SBF2: variants seen among roughly 807,000 people sequenced by gnomAD.
The protein encoded by SBF2 is myotubularin-related protein 13.
A neutral mutation model predicts 225.2 loss-of-function variants in SBF2; 112 were observed. The observed-to-expected ratio is 0.50, with a 90% CI of 0.43 to 0.58. SBF2 has a LOEUF of 0.58. SBF2 is among the 20% of genes least tolerant of loss of function. The pLI is 0.00. For synonymous variants in SBF2, 763 were observed against 773.3 expected, an observed-to-expected ratio of 0.99 and a Z score of 0.22; for missense variants, 1,996 against 2,206.2, an observed-to-expected ratio of 0.90 and a Z score of 1.91.
intron 16 of SBF2, among the ~76,000 whole-genome samples, chr11:9,904,802 A>C (rs1029791803): frequency 8.5e-5 from 13 of 152,200 alleles, no homozygotes; most frequent in Non-Finnish European, 1.9e-4. Context: ...AGGTGAGAGG[A>C]TTGCTTGAGC....
chr11:10,045,018 AAG>A (rs1480134971), intron 2 of SBF2, among the ~76,000 whole-genome samples: 1 of 152,160 alleles, frequency 6.6e-6, no homozygotes, highest in Non-Finnish European at 1.5e-5. Flanking sequence ...TGCACAGACA[AAG>A]AGAGGTCTCA....
At chr11:9,815,422 C>T (rs1339947279) in intron 29 of SBF2, among the ~76,000 whole-genome samples, 1 of 151,038 alleles carries the variant, frequency 6.6e-6, no homozygotes, top group African/African-American at 2.4e-5. Context: ...TACTGCATTC[C>T]AGCCTAGCGA....
intron 1 of SBF2, among the ~76,000 whole-genome samples, chr11:10,206,653 T>C (rs1184698487): frequency 2.6e-5 from 4 of 152,162 alleles, no homozygotes; most frequent in South Asian, 2.1e-4. Context: ...AAATACGTTA[T>C]AAATCAAACA....
chr11:10,273,435 T>C (rs975156115), intron 1 of SBF2, among the ~76,000 whole-genome samples: 2 of 152,234 alleles, frequency 1.3e-5, no homozygotes, highest in Non-Finnish European at 2.9e-5. Context: ...AAGACTACAA[T>C]GAATCAATTA....
chr11:9,793,027 C>A (rs1026916777), intron 33 of SBF2, among the ~76,000 whole-genome samples: 18 of 151,296 alleles, frequency 1.2e-4, no homozygotes, highest in African/African-American at 4.1e-4. Context: ...AGCCGCCCAC[C>A]TCAGCCTCTC....
At chr11:10,062,531 A>G (rs901520096) in intron 2 of SBF2, among the ~76,000 whole-genome samples, 2 of 152,252 alleles carry the variant, frequency 1.3e-5, no homozygotes, top group Non-Finnish European at 2.9e-5. Context: ...TGGGCAAAGG[A>G]CATGAACAGA....
intron 16 of SBF2, among the ~76,000 whole-genome samples, chr11:9,918,166 T>C (rs1357587028): frequency 7.6e-6 from 1 of 131,844 alleles, no homozygotes; most frequent in African/African-American, 3.2e-5. Flanking sequence ...CTTCGCCACA[T>C]TTGTCATCGG....
rs532642798 is a variant in SBF2, at chr11:10,246,131, T to C, written c.55+47884A>G. On this transcript the variant is annotated intron_variant, in intron 1 of 39. Transcript: ENST00000256190. Reference sequence around the variant, plus strand: ...GACACTAGATCTTACGTTGTGTTCTTATCACACACAAAAAAAGAAAGAGTG... The same window carrying C: ...GACACTAGATCTTACGTTGTGTTCTCATCACACACAAAAAAAGAAAGAGTG... Among the ~76,000 whole-genome samples, 12 of 152,298 alleles carry C rather than the reference T, an allele frequency of 7.9e-5. No homozygotes were observed. In the East Asian group the frequency reaches 2.1e-3, roughly 27 times the overall value.
intron 2 of SBF2, among the ~76,000 whole-genome samples, chr11:10,158,313 A>T: frequency 6.6e-6 from 1 of 152,094 alleles, no homozygotes; most frequent in East Asian, 1.9e-4. Context: ...TCAGCGGAAG[A>T]AAAGAAAATA....
chr11:10,293,105 G>T (rs892548402), intron 1 of SBF2, among the ~76,000 whole-genome samples: 22 of 152,178 alleles, frequency 1.4e-4, no homozygotes, highest in Non-Finnish European at 1.5e-5. Context: ...GCAAATGTGG[G>T]ACTAGAATTG....
chr11:10,017,851 C>A lies in SBF2; in HGVS notation c.619+10601G>T, dbSNP rs1039423710. On this transcript the variant is annotated intron_variant, in intron 6 of 39. Transcript: ENST00000256190. ...TCAAATACATAAAAGGCCAATTCAA[C>A]CAAAACTGTGTAAAAAGGTGCAGCA... Among the ~76,000 whole-genome samples the A allele has an allele frequency of 2.0e-5, 3 of 152,116 alleles. No homozygotes were observed. In the East Asian group the frequency reaches 5.8e-4, roughly 29 times the overall value.
At position 9,872,286 on chromosome 11, in the gene SBF2, T is replaced by A. The variant is rs147462149; in HGVS notation, c.1930-13890A>T. 7.8e-4 allele frequency among the ~76,000 whole-genome samples: 119 copies of A among 152,104 alleles called. No individual in the cohort carries two copies. In the East Asian group the frequency reaches 0.02, roughly 26 times the overall value. On this transcript the variant is annotated intron_variant, in intron 17 of 39. Transcript: ENST00000256190. ...TGAAAGATGAGAACACATGGACACA[T>A]AGGGAAGAACAACACACACTGGGGC...
chr11:10,297,431 T>C (rs1964558576), upstream of SBF2, among the ~76,000 whole-genome samples: 1 of 152,192 alleles, frequency 6.6e-6, no homozygotes. Context: ...TTTTAGTTTG[T>C]TTCTATGCTT....
intron 2 of SBF2, among the ~76,000 whole-genome samples, chr11:10,171,100 T>C (rs1049936930): frequency 5.3e-5 from 8 of 152,296 alleles, no homozygotes; most frequent in Non-Finnish European, 1.0e-4. Flanking sequence ...ATAATTTGAC[T>C]CCCTCCTTTC....
chr11:9,846,823 C>G (rs1856582945), intron 23 of SBF2, 133 bp downstream of exon 23: 1 of 995,404 alleles, frequency 1.0e-6, no homozygotes, highest in Non-Finnish European at 1.6e-6. Context: ...TGATGACTAC[C>G]CTCTCAGACC....
chr11:9,838,186 C>A (rs1855858263), intron 26 of SBF2: 3 of 151,822 alleles, frequency 2.0e-5, no homozygotes, highest in African/African-American at 7.3e-5. Flanking sequence ...TGTTCTATGT[C>A]CCCTTTTTTT....
In SBF2 at chr11:9,902,902, AAT is replaced by A. The variant is rs552253213; in HGVS notation, c.1861-6893_1861-6892del. On this transcript the variant is annotated intron_variant, in intron 16 of 39. Coordinates refer to ENST00000256190, the MANE Select transcript of SBF2 (RefSeq NM_030962.4). ...TCTGTATTATCATGAAAGAAACAGA[AAT>A]AGAGTGGGTTGCAACTTCCAAACTA... 1.4e-3 allele frequency among the ~76,000 whole-genome samples: 212 copies of A among 152,262 alleles called. 3 individuals are homozygous for A. Among genetic ancestry groups the A allele is most frequent in the African/African-American group, 4.6e-3 (192 of 41,562 alleles).
At chr11:9,918,243 T>C (rs1292610035) in intron 16 of SBF2, among the ~76,000 whole-genome samples, 4 of 152,246 alleles carry the variant, frequency 2.6e-5, no homozygotes, top group Admixed American at 2.6e-4. Flanking sequence ...CTATCCATTT[T>C]TGAGCCTTTG....
At chr11:10,304,071 TC>T (rs770082986) in intron 1 of SBF2, among the ~76,000 whole-genome samples, 34 of 152,174 alleles carry the variant, frequency 2.2e-4, no homozygotes, top group Non-Finnish European at 4.0e-4. Flanking sequence ...ACTTCCCCTC[TC>T]TGCAGATACC....
Sources: allele counts gnomAD v4.1 joint callset (sites outside exome capture counted in the v4.1 genomes callset), GRCh38; gene constraint gnomAD v4.1.1; transcripts MANE v1.5; gene names NCBI Gene and HGNC (gene_info 2026-07-23, HGNC 2026-07-21).